The following LCN12 variants were observed in gnomAD, a reference collection of about 807,000 sequenced individuals.
LCN12 encodes lipocalin 12.
LCN12 carries 15 observed loss-of-function variants against 23.7 expected under a neutral mutation model. That is an observed-to-expected ratio of 0.63 (90% CI 0.42 to 0.97). LCN12 has a LOEUF of 0.97. LCN12 is among the 50% of genes least tolerant of loss of function. LCN12 has a pLI of 0.00. For synonymous variants in LCN12, 116 were observed against 111.5 expected, an observed-to-expected ratio of 1.04 and a Z score of -0.25; for missense variants, 219 against 249.6, an observed-to-expected ratio of 0.88 and a Z score of 0.83.
chr9:136,955,097 C>T, intron 5 of LCN12: 1 of 1,414,790 alleles, frequency 7.1e-7, no homozygotes, highest in Non-Finnish European at 9.2e-7. Flanking sequence ...CCTCCTGGGT[C>T]TGCAGTGAGT....
intron 2 of LCN12, 71 bp from the exon 3 acceptor site, chr9:136,953,629 C>T: frequency 8.3e-7 from 1 of 1,199,568 alleles, no homozygotes. Context: ...CTGAAATCTC[C>T]TGAGGGGCCC....
rs528969007 is a variant in LCN12 at position 136,953,739 on chromosome 9, G to T, written c.291G>T (p.Pro97=). 2 of 1,605,430 alleles carry T rather than the reference G, an allele frequency of 1.2e-6. No homozygotes were observed. Among genetic ancestry groups the T allele is most frequent in the African/African-American group, 2.7e-5 (2 of 74,992 alleles). Residue 97 remains proline (P), a synonymous_variant, in exon 3 of 6, where the codon CCG becomes CCT. Transcript: ENST00000371633. The part of the protein sequence containing the change: ...HCDTWSYVLI[P]AAQPGQFTVD... ...ACACATGGTCTTATGTGCTGATACC[G>T]GCAGCCCAGCCTGGGCAGTTCACTG...
At chr9:136,954,635 C>T (rs574752199) in intron 5 of LCN12, 61 of 1,037,650 alleles carry the variant, frequency 5.9e-5, no homozygotes, top group Admixed American at 5.3e-4. Context: ...TCCCCTGTCC[C>T]GGGCCATCTC....
Position 136,953,652 on chromosome 9 carries a change from A to G in LCN12, c.252-48A>G, listed in dbSNP as rs745880603. On this transcript the variant is annotated intron_variant, in intron 2 of 5. Coordinates refer to ENST00000371633, the MANE Select transcript of LCN12 (RefSeq NM_178536.4). ...TCCTGAGGGGCCCACCTCAGCATGG[A>G]CCTGCCAGCTTCCGGAGCCTTCCGC... is the stretch of plus-strand genomic sequence containing the variant. 12 of 1,426,712 alleles carry G rather than the reference A, an allele frequency of 8.4e-6. 1 individual carries two copies. In the South Asian group the frequency reaches 1.5e-4, roughly 18 times the overall value. The allele number at this position is 1,426,712 out of a possible 1,614,324, so 88.4% of individuals were successfully genotyped here.
At chr9:136,954,330 G>T in intron 5 of LCN12, 75 bp downstream of exon 5, 1 of 1,479,196 alleles carries the variant, frequency 6.8e-7, no homozygotes, top group Non-Finnish European at 9.2e-7. Flanking sequence ...TGACCCTAGA[G>T]GAGCTGGACC....
intron 1 of LCN12, 34 bp downstream of exon 1, chr9:136,952,475 G>T (rs1180572575): frequency 3.4e-6 from 5 of 1,482,674 alleles, no homozygotes; most frequent in Non-Finnish European, 4.7e-6. Context: ...GAAGCAGCCG[G>T]CTGGGTCTGA....
chr9:136,953,211 C>A, intron 2 of LCN12, 183 bp downstream of exon 2: 2 of 759,860 alleles, frequency 2.6e-6, no homozygotes, highest in Non-Finnish European at 4.2e-6. Flanking sequence ...GGCGCGCTGG[C>A]TCACACCTGT....
chr9:136,954,438 GC>G, intron 5 of LCN12, 183 bp downstream of exon 5: 1 of 769,736 alleles, frequency 1.3e-6, no homozygotes, highest in Non-Finnish European at 2.2e-6. Context: ...ACCTCCTGCC[GC>G]CCCGGGTCCC....
At position 136,953,840 on chromosome 9, in the gene LCN12, C is replaced by G; in HGVS notation, c.332-8C>G. ...GCCCACAGGGATGTGACGTCTGTGC[C>G]GCCTCAGAGCCCGGGGCGGACAGAG... On this transcript the variant is annotated splice_region_variant and splice_polypyrimidine_tract_variant and intron_variant, in intron 3 of 5. Transcript: ENST00000371633. 1 of 1,598,084 alleles carries G rather than the reference C, an allele frequency of 6.3e-7. No homozygotes were observed. The highest frequency in any genetic ancestry group is 1.1e-5 in the South Asian group (1 of 88,718).
Position 136,953,922 on chromosome 9 carries a change from A to AGACACAC in LCN12, c.409_415dup (p.Ser139ThrfsTer39). On this transcript the variant is annotated frameshift_variant, in exon 4 of 6. Transcript: ENST00000371633. LOFTEE classifies it high-confidence loss of function. ...CCAGTTCGCCCTGATGCTGTCCCGC[A>AGACACAC]GACACACGAGCAGGCTGGCCGTCCT... 1.2e-6 allele frequency: 2 copies of AGACACAC among 1,611,754 alleles called. No homozygotes were observed. The highest frequency in any genetic ancestry group is 1.7e-6 in the Non-Finnish European group (2 of 1,179,790).
At chr9:136,949,276 T>C (rs1314945063), upstream of LCN12, among the ~76,000 whole-genome samples, 2 of 152,204 alleles carry the variant, frequency 1.3e-5, no homozygotes, top group Non-Finnish European at 2.9e-5. Flanking sequence ...AACATTTAAT[T>C]GTTAGCAGTC....
In LCN12 at chr9:136,953,773, G is replaced by A. The variant is rs772072322; in HGVS notation, c.325G>A (p.Gly109Ser). Residue 109 changes from glycine (G) to serine (S), a missense_variant, in exon 3 of 6, where the codon GGT (glycine) becomes AGT (serine). By Grantham distance (56) the Gly-to-Ser change is moderately conservative. Transcript: ENST00000371633. ...AQPGQFTVDH[G>S]VEPGADREET... is the part of the protein sequence containing the mutation. ...GCCTGGGCAGTTCACTGTGGACCAC[G>A]GTGTGGGTAAGCCAGTCACAGGAGG... 11 of 1,605,980 alleles carry A rather than the reference G, an allele frequency of 6.8e-6. No individual in the cohort carries two copies. The African/African-American group carries it at 9.3e-5, about 14-fold the overall frequency.
At chr9:136,955,190 T>G in intron 5 of LCN12, 181 bp from the exon 6 acceptor site, 1 of 1,420,900 alleles carries the variant, frequency 7.0e-7, no homozygotes. Context: ...CCACATCTTC[T>G]GCCCCTTCTC....
At chr9:136,954,726 G>A in intron 5 of LCN12, 1 of 1,291,040 alleles carries the variant, frequency 7.7e-7, no homozygotes, top group Non-Finnish European at 1.0e-6. Context: ...CATCCCAGGA[G>A]GTGCCCTGGA....
At chr9:136,954,854 A>C in intron 5 of LCN12, 1 of 1,254,136 alleles carries the variant, frequency 8.0e-7, no homozygotes, top group Non-Finnish European at 1.0e-6. Flanking sequence ...CTCTTCCTGG[A>C]GGGATGCCCA....
At position 136,955,362 on chromosome 9, in the gene LCN12, C is replaced by T. The variant is rs754540605; in HGVS notation, c.551-9C>T. 2 of 1,613,164 alleles carry T rather than the reference C, an allele frequency of 1.2e-6. No homozygotes were observed. Among genetic ancestry groups the T allele is most frequent in the Admixed American group, 1.7e-5 (1 of 59,994 alleles). ...TTGTCCTCCATCCCGACTCCATCTC[C>T]CCCACCAGGCTGGTCACCCCAGGCC... is the stretch of plus-strand genomic sequence containing the variant. On this transcript the variant is annotated splice_polypyrimidine_tract_variant and intron_variant, in intron 5 of 5. Transcript: ENST00000371633.
At position 136,952,316 on chromosome 9, in the gene LCN12, G is replaced by A. The variant is rs1340071919; in HGVS notation, c.-12G>A. ...CCTTCTCTCTGTCCCTGTGGGCCCA[G>A]CAGCTGCCAGGATGAGGCTGCTGTG... On this transcript the variant is annotated 5_prime_UTR_variant, in exon 1 of 6. Coordinates refer to ENST00000371633, the MANE Select transcript of LCN12 (RefSeq NM_178536.4). 4 of 1,591,686 alleles carry A rather than the reference G, an allele frequency of 2.5e-6. No individual in the cohort carries two copies. Among genetic ancestry groups the A allele is most frequent in the Admixed American group, 3.4e-5 (2 of 58,734 alleles).
downstream of LCN12, chr9:136,955,516 TA>T: frequency 1.7e-6 from 2 of 1,154,048 alleles, no homozygotes. Flanking sequence ...GTGTGACCAC[TA>T]TGACCTTGGG....
chr9:136,950,826 C>T (rs1046304393), upstream of LCN12, among the ~76,000 whole-genome samples: 1 of 152,196 alleles, frequency 6.6e-6, no homozygotes, highest in African/African-American at 2.4e-5. Context: ...GGACAGAGCC[C>T]AGCCCTGGAG....
Sources: gnomAD v4.1 joint callset for allele counts (sites outside exome capture counted in the v4.1 genomes callset) on GRCh38, gnomAD v4.1.1 for gene constraint, MANE v1.5 for transcripts, NCBI Gene and HGNC (gene_info 2026-07-23, HGNC 2026-07-21) for gene names.